The following SH3PXD2A variants were observed in gnomAD, a reference collection of about 807,000 sequenced individuals.
SH3PXD2A encodes the protein SH3 and PX domains 2A.
In SH3PXD2A, 32 loss-of-function variants were observed where a neutral mutation model predicts 115.2. The ratio of observed to expected loss-of-function variants is 0.28; its 90% CI spans 0.21 to 0.37. The LOEUF is 0.37. SH3PXD2A is among the 10% of genes least tolerant of loss of function. SH3PXD2A has a pLI of 1.00. For synonymous variants in SH3PXD2A, 610 were observed against 629.1 expected, an observed-to-expected ratio of 0.97 and a Z score of 0.45; for missense variants, 1,328 against 1,498.7, an observed-to-expected ratio of 0.89 and a Z score of 1.88.
At chr10:103,610,984 G>A (rs1261113615) in intron 13 of SH3PXD2A, among the ~76,000 whole-genome samples, 3 of 152,142 alleles carry the variant, frequency 2.0e-5, no homozygotes, top group Non-Finnish European at 4.4e-5. Context: ...CACCAGCATC[G>A]CAGGCACCCC....
chr10:103,724,770 A>T (rs2038220994), intron 4 of SH3PXD2A, among the ~76,000 whole-genome samples: 1 of 151,930 alleles, frequency 6.6e-6, no homozygotes, highest in Admixed American at 6.6e-5. Context: ...CCAGTCAACC[A>T]ACTAAACAAC....
At chr10:103,649,738 G>T (rs529395233) in intron 8 of SH3PXD2A, among the ~76,000 whole-genome samples, 1 of 152,330 alleles carries the variant, frequency 6.6e-6, no homozygotes, top group East Asian at 1.9e-4. Flanking sequence ...GAAGGCTGGG[G>T]CCTGTGAGAA....
chr10:103,809,528 A>C (rs1247072249), intron 1 of SH3PXD2A, among the ~76,000 whole-genome samples: 4 of 152,022 alleles, frequency 2.6e-5, no homozygotes. Flanking sequence ...TTTAAAAGAG[A>C]CTCAGAGGAG....
chr10:103,722,326 T>C (rs1380759596), intron 5 of SH3PXD2A, among the ~76,000 whole-genome samples: 1 of 149,232 alleles, frequency 6.7e-6, no homozygotes, highest in Non-Finnish European at 1.5e-5. Flanking sequence ...AAAAAGAATA[T>C]ACAAGCCCTG....
intron 1 of SH3PXD2A, among the ~76,000 whole-genome samples, chr10:103,825,689 T>C (rs549298711): frequency 1.3e-5 from 2 of 152,038 alleles, no homozygotes; most frequent in South Asian, 4.2e-4. Flanking sequence ...CGGACAGCAC[T>C]GACACACTTG....
chr10:103,805,407 A>C (rs1290869606), intron 1 of SH3PXD2A, among the ~76,000 whole-genome samples: 2 of 152,176 alleles, frequency 1.3e-5, no homozygotes, highest in Non-Finnish European at 2.9e-5. Context: ...TTCTCTATAC[A>C]AAGGACACAA....
intron 5 of SH3PXD2A, among the ~76,000 whole-genome samples, chr10:103,721,068 C>G (rs2038176062): frequency 6.6e-6 from 1 of 152,238 alleles, no homozygotes; most frequent in Admixed American, 6.5e-5. Context: ...AGGCAGATAA[C>G]CCCTGCTGGC....
In SH3PXD2A at chr10:103,693,085, T is replaced by G. The variant is rs750183757; in HGVS notation, c.399-29A>C. 1.1e-5 allele frequency: 18 copies of G among 1,610,188 alleles called. No homozygotes were observed. The South Asian group carries it at 1.9e-4, about 17-fold the overall frequency. ...AAAAAGAAGCAACAACAGATAGACA[T>G]GGTTAGGGCCGGGCGCGAGCGCGGG... On this transcript the variant is annotated intron_variant, in intron 5 of 14. Transcript: ENST00000369774.
intron 1 of SH3PXD2A, among the ~76,000 whole-genome samples, chr10:103,802,088 C>A (rs2039153346): frequency 6.6e-6 from 1 of 152,148 alleles, no homozygotes; most frequent in Non-Finnish European, 1.5e-5. Flanking sequence ...GCAGGTGGAC[C>A]CCGCTCTCTG....
At chr10:103,736,756 G>A in intron 3 of SH3PXD2A, 1 of 1,288,952 alleles carries the variant, frequency 7.8e-7, no homozygotes, top group Non-Finnish European at 1.0e-6. Flanking sequence ...GGGCCCATGA[G>A]CTTGGCACAT....
At chr10:103,790,315 T>A (rs2039022929) in intron 2 of SH3PXD2A, among the ~76,000 whole-genome samples, 1 of 152,042 alleles carries the variant, frequency 6.6e-6, no homozygotes, top group Non-Finnish European at 1.5e-5. Flanking sequence ...CCATCACCCC[T>A]GGCTAATTTT....
intron 1 of SH3PXD2A, among the ~76,000 whole-genome samples, chr10:103,822,611 G>A (rs982948795): frequency 3.9e-5 from 6 of 152,236 alleles, no homozygotes; most frequent in African/African-American, 1.4e-4. Flanking sequence ...GCAAGCTCAG[G>A]GCAGCCTCTT....
intron 5 of SH3PXD2A, among the ~76,000 whole-genome samples, chr10:103,717,524 A>G (rs1364679137): frequency 6.6e-6 from 1 of 152,204 alleles, no homozygotes; most frequent in Non-Finnish European, 1.5e-5. Flanking sequence ...AAGCTAAGAA[A>G]AGAATGAGGG....
intron 3 of SH3PXD2A, among the ~76,000 whole-genome samples, chr10:103,757,989 C>T (rs558971331): frequency 7.2e-5 from 11 of 152,312 alleles, no homozygotes; most frequent in Middle Eastern, 3.4e-3. Context: ...GACAGGCTTG[C>T]GGCACCAGTC....
At chr10:103,671,288 A>G (rs1056109184) in intron 6 of SH3PXD2A, among the ~76,000 whole-genome samples, 1 of 152,204 alleles carries the variant, frequency 6.6e-6, no homozygotes, top group African/African-American at 2.4e-5. Context: ...AAAAGCAGCC[A>G]CAGGCAATAC....
At chr10:103,774,744 C>A (rs2038862051) in intron 2 of SH3PXD2A, among the ~76,000 whole-genome samples, 1 of 152,132 alleles carries the variant, frequency 6.6e-6, no homozygotes, top group Non-Finnish European at 1.5e-5. Context: ...TAGGGGGGAT[C>A]TATGGAAAGT....
In SH3PXD2A at chr10:103,603,654, C is replaced by T. The variant is rs1266161823; in HGVS notation, c.1564G>A (p.Val522Met). The T allele has an allele frequency of 1.1e-5, 18 of 1,605,120 alleles. No homozygotes were observed. Among genetic ancestry groups the T allele is most frequent in the African/African-American group, 4.0e-5 (3 of 74,810 alleles). The change falls in exon 15 of 15, where the codon GTG becomes ATG. Residue 522 changes from valine to methionine, a missense_variant. Coordinates refer to ENST00000369774, the MANE Select transcript of SH3PXD2A (RefSeq NM_001394015.1). ...TTGCTGGGGGGTGCTGGCGGGGGCA[C>T]CTTGGGCCGGGTCAGCGTGCTTGTG... ...RRTSTLTRPK[V>M]PPPAPPSKPK...
At chr10:103,753,189 G>A (rs1374172753) in intron 3 of SH3PXD2A, among the ~76,000 whole-genome samples, 1 of 151,800 alleles carries the variant, frequency 6.6e-6, no homozygotes, top group Non-Finnish European at 1.5e-5. Flanking sequence ...ATAAAGAATA[G>A]TGGTCAAAGG....
chr10:103,841,096 T>A (rs2039593001), intron 1 of SH3PXD2A, among the ~76,000 whole-genome samples: 1 of 152,190 alleles, frequency 6.6e-6, no homozygotes, highest in African/African-American at 2.4e-5. Flanking sequence ...CTTCAGCAAC[T>A]GTAAGTTAGA....
Sources: allele counts gnomAD v4.1 joint callset (sites outside exome capture counted in the v4.1 genomes callset), GRCh38; gene constraint gnomAD v4.1.1; transcripts MANE v1.5; gene names NCBI Gene and HGNC (gene_info 2026-07-23, HGNC 2026-07-21).